The following PARD3 variants were observed in gnomAD, a reference collection of about 807,000 sequenced individuals.
The protein encoded by PARD3 is par-3 family cell polarity regulator, also known as partitioning defective 3 homolog.
In PARD3, 75 loss-of-function variants were observed where a neutral mutation model predicts 155.4. The observed-to-expected ratio is 0.48, with a 90% confidence interval of 0.40 to 0.58. PARD3 has a LOEUF of 0.58. Among genes scored for constraint, PARD3 ranks in the 20% least tolerant of loss-of-function variants. PARD3 has a pLI of 0.00. For synonymous variants in PARD3, 576 were observed against 610.5 expected (o/e 0.94, Z 0.83); for missense variants, 1,642 against 1,721.7 (o/e 0.95, Z 0.82).
At chr10:34,716,833 G>A (rs543328886) in intron 1 of PARD3, among the ~76,000 whole-genome samples, 1 of 152,060 alleles carries the variant, frequency 6.6e-6, no homozygotes, top group South Asian at 2.1e-4. Flanking sequence ...CTCAGGTGAT[G>A]CACCTGCCTC....
intron 2 of PARD3, among the ~76,000 whole-genome samples, chr10:34,597,200 G>A (rs2089348951): frequency 6.6e-6 from 1 of 152,066 alleles, no homozygotes; most frequent in African/African-American, 2.4e-5. Context: ...GGCAGGACCG[G>A]CATGGCAGCT....
At chr10:34,803,233 C>T (rs1286149333) in intron 1 of PARD3, among the ~76,000 whole-genome samples, 2 of 120,758 alleles carry the variant, frequency 1.7e-5, no homozygotes, top group African/African-American at 3.6e-5. Context: ...AGTGAGACTC[C>T]GTCTCAAAAA....
chr10:34,206,943 C>T (rs1315298342), intron 22 of PARD3, among the ~76,000 whole-genome samples: 1 of 152,172 alleles, frequency 6.6e-6, no homozygotes, highest in Non-Finnish European at 1.5e-5. Flanking sequence ...AAAGCAGTAT[C>T]ACCTATAATT....
chr10:34,463,353 G>C (rs2077796833), intron 4 of PARD3, among the ~76,000 whole-genome samples: 1 of 87,040 alleles, frequency 1.1e-5, no homozygotes, highest in Non-Finnish European at 2.2e-5. Context: ...AGGGGAAGGG[G>C]AAGGGGAGGG....
rs1479026257 is a variant in PARD3 at position 34,792,102 on chromosome 10, C to G, written c.120+22774G>C. 4.6e-5 allele frequency among the ~76,000 whole-genome samples: 7 copies of G among 152,216 alleles called. No homozygotes were observed. In the South Asian group the frequency reaches 1.4e-3, roughly 32 times the overall value. On this transcript the variant is annotated intron_variant, in intron 1 of 24. Coordinates refer to ENST00000374788, the MANE Select transcript of PARD3 (RefSeq NM_001184785.2). ...GCTCAGATATGCGCCCTGTTCCTGC[C>G]TCAGGATGCGCGCCCACGTGCTTGC...
chr10:34,294,577 C>T (rs186208081), intron 20 of PARD3, among the ~76,000 whole-genome samples: 3 of 152,242 alleles, frequency 2.0e-5, no homozygotes, highest in African/African-American at 4.8e-5. Flanking sequence ...CATTTCTTAG[C>T]GAATGCTCTC....
At chr10:34,422,773 A>G (rs578202268) in intron 5 of PARD3, among the ~76,000 whole-genome samples, 1 of 152,316 alleles carries the variant, frequency 6.6e-6, no homozygotes, top group Admixed American at 6.5e-5. Context: ...TATCAAAAAA[A>G]TGAACGATAA....
chr10:34,585,591 T>C (rs898082971), intron 2 of PARD3, among the ~76,000 whole-genome samples: 1 of 150,960 alleles, frequency 6.6e-6, no homozygotes, highest in African/African-American at 2.4e-5. Flanking sequence ...GATAGTACCA[T>C]CTCTGTGCAC....
chr10:34,174,312 T>C (rs1454068783), intron 22 of PARD3, among the ~76,000 whole-genome samples: 1 of 152,216 alleles, frequency 6.6e-6, no homozygotes, highest in Non-Finnish European at 1.5e-5. Flanking sequence ...GCAAGTGTTT[T>C]TCCCTTACTT....
At chr10:34,722,397 A>G (rs1331617277) in intron 1 of PARD3, among the ~76,000 whole-genome samples, 9 of 152,210 alleles carry the variant, frequency 5.9e-5, no homozygotes, top group Non-Finnish European at 1.2e-4. Flanking sequence ...TACCTAGTCC[A>G]AGTTTTAATA....
At chr10:34,706,772 AAATT>A (rs1304173408) in intron 1 of PARD3, among the ~76,000 whole-genome samples, 7 of 152,068 alleles carry the variant, frequency 4.6e-5, no homozygotes, top group Admixed American at 2.6e-4. Context: ...AAAATCAATT[AAATT>A]AATTAATTAA....
intron 1 of PARD3, among the ~76,000 whole-genome samples, chr10:34,777,216 C>T (rs575767116): frequency 5.9e-5 from 9 of 152,092 alleles, no homozygotes; most frequent in Admixed American, 2.6e-4. Flanking sequence ...TCACAAAGCA[C>T]GGACATCTTC....
At chr10:34,696,037 T>C (rs553046014) in intron 2 of PARD3, among the ~76,000 whole-genome samples, 2 of 152,312 alleles carry the variant, frequency 1.3e-5, no homozygotes, top group East Asian at 3.9e-4. Context: ...AGGCAGAATA[T>C]GGCATAGAAA....
chr10:34,360,485 C>T (rs192633093), intron 12 of PARD3, among the ~76,000 whole-genome samples: 1 of 152,136 alleles, frequency 6.6e-6, no homozygotes, highest in Non-Finnish European at 1.5e-5. Flanking sequence ...TTGAACCAAA[C>T]TTAAATCAGA....
At chr10:34,792,638 C>T (rs779291545) in intron 1 of PARD3, among the ~76,000 whole-genome samples, 46 of 152,168 alleles carry the variant, frequency 3.0e-4, no homozygotes, top group Non-Finnish European at 5.3e-4. Context: ...TTCTGTCTAC[C>T]TAGGAACAAG....
chr10:34,453,098 T>A (rs190772182), intron 4 of PARD3, among the ~76,000 whole-genome samples: 1 of 152,316 alleles, frequency 6.6e-6, no homozygotes, highest in East Asian at 1.9e-4. Flanking sequence ...ACATCAAACC[T>A]CCAGCAAACA....
intron 3 of PARD3, among the ~76,000 whole-genome samples, chr10:34,471,308 A>G (rs1374085998): frequency 6.6e-6 from 1 of 152,204 alleles, no homozygotes; most frequent in African/African-American, 2.4e-5. Flanking sequence ...TTGTATCATT[A>G]TCAGTAACAA....
chr10:34,373,423 T>G (rs1840897882), intron 11 of PARD3, among the ~76,000 whole-genome samples: 2 of 151,996 alleles, frequency 1.3e-5, no homozygotes, highest in Admixed American at 1.3e-4. Context: ...AAAGGCTGCT[T>G]AAGAGCAGTG....
chr10:34,604,296 T>C (rs1307856718), intron 2 of PARD3, among the ~76,000 whole-genome samples: 1 of 152,136 alleles, frequency 6.6e-6, no homozygotes, highest in Non-Finnish European at 1.5e-5. Flanking sequence ...CATTTGACTC[T>C]GAGCTGGGGA....
Sources: gnomAD v4.1 joint callset for allele counts (sites outside exome capture counted in the v4.1 genomes callset) on GRCh38, gnomAD v4.1.1 for gene constraint, MANE v1.5 for transcripts, NCBI Gene and HGNC (gene_info 2026-07-23, HGNC 2026-07-21) for gene names.